NLGN3: variants seen among roughly 807,000 people sequenced by gnomAD.
The protein encoded by NLGN3 is neuroligin-3.
In NLGN3, 11 loss-of-function variants were observed where a neutral mutation model predicts 42.9. The observed-to-expected ratio is 0.26, with a 90% CI of 0.16 to 0.42. NLGN3 has a LOEUF of 0.42. Among genes scored for constraint, NLGN3 ranks in the 10% least tolerant of loss-of-function variants. NLGN3 has a pLI of 1.00. For missense variants in NLGN3, 374 were observed against 733.8 expected, an observed-to-expected ratio of 0.51 and a Z score of 5.67; for synonymous variants, 279 against 312.7, an observed-to-expected ratio of 0.89 and a Z score of 1.14.
intron 6 of NLGN3, 36 bp from the exon 7 acceptor site, chrX:71,166,975 C>A: frequency 2.7e-6 from 3 of 1,119,571 alleles, no homozygotes; most frequent in Non-Finnish European, 3.6e-6. Context: ...ATGTGTGACA[C>A]GACAGATCTG....
chrX:71,172,628 G>A (rs866732014), downstream of NLGN3, among the ~76,000 whole-genome samples: 8 of 37,763 alleles, frequency 2.1e-4, no homozygotes, highest in African/African-American at 3.2e-3. Flanking sequence ...GTGTGCATGC[G>A]TGTGTGTGTG....
At chrX:71,148,291 G>A in intron 2 of NLGN3, 85 bp downstream of exon 2, 1 of 755,392 alleles carries the variant, frequency 1.3e-6, no homozygotes. Context: ...TGTGTGCCCT[G>A]CAGCATGCAT....
intron 7 of NLGN3, among the ~76,000 whole-genome samples, chrX:71,168,867 A>AAGAAAGAG (rs1210497314): frequency 5.8e-5 from 4 of 69,251 alleles, no homozygotes; most frequent in African/African-American, 4.3e-4. Context: ...GAAAGAAAGA[A>AAGAAAGAG]AGAGAAAGAA....
intron 6 of NLGN3, among the ~76,000 whole-genome samples, chrX:71,166,349 G>A (rs1053554598): frequency 2.7e-5 from 3 of 109,705 alleles, no homozygotes; most frequent in South Asian, 4.0e-4. Context: ...CCAGCTACTC[G>A]GGAGGCTGAG....
chrX:71,150,563 G>A (rs2092386922), intron 3 of NLGN3, among the ~76,000 whole-genome samples: 6 of 109,939 alleles, frequency 5.5e-5, no homozygotes, highest in South Asian at 7.8e-4. Flanking sequence ...TTAGCTGGGC[G>A]TGGTGGCGGG....
chrX:71,148,795 C>A, intron 2 of NLGN3, 51 bp from the exon 3 acceptor site: 2 of 1,107,357 alleles, frequency 1.8e-6, no homozygotes, highest in Non-Finnish European at 1.2e-6. Context: ...GGGGTGCATG[C>A]CCCTGGGCAG....
intron 5 of NLGN3, among the ~76,000 whole-genome samples, chrX:71,162,426 G>A (rs1037598354): frequency 5.4e-5 from 6 of 111,604 alleles, no homozygotes; most frequent in African/African-American, 1.6e-4. Flanking sequence ...CACCATGCCT[G>A]GCCAAGTTTT....
chrX:71,161,645 G>T (rs2092430558), intron 5 of NLGN3, among the ~76,000 whole-genome samples: 1 of 110,679 alleles, frequency 9.0e-6, no homozygotes, highest in Non-Finnish European at 1.9e-5. Context: ...ATGGTGGCAG[G>T]CACCTGTAAT....
At chrX:71,168,880 G>GA (rs2092460373) in intron 7 of NLGN3, among the ~76,000 whole-genome samples, 5 of 80,654 alleles carry the variant, frequency 6.2e-5, no homozygotes, top group African/African-American at 4.4e-4. Flanking sequence ...AGAAAGAAAA[G>GA]AAAGAGAAAG....
At chrX:71,165,675 G>A (rs899911623) in intron 6 of NLGN3, among the ~76,000 whole-genome samples, 2 of 110,963 alleles carry the variant, frequency 1.8e-5, no homozygotes, top group Admixed American at 9.6e-5. Flanking sequence ...ACAGGTGCAT[G>A]CTACCATGCC....
intron 3 of NLGN3, among the ~76,000 whole-genome samples, chrX:71,151,890 C>T (rs1247645943): frequency 8.9e-6 from 1 of 111,806 alleles, no homozygotes; most frequent in East Asian, 2.8e-4. Context: ...ATGCCCATGT[C>T]CCATTAAGGT....
At position 71,167,202 on chromosome X, in the gene NLGN3, C is replaced by T. The variant is rs185286625; in HGVS notation, c.1105C>T (p.Arg369Cys). The part of the protein sequence containing the change: ...ELVEQDIQPA[R>C]YHVAFGPVID... Reference sequence around the variant, plus strand: ...GGTAGAGCAGGACATCCAGCCAGCCCGCTACCACGTGGCCTTTGGCCCTGT... The same window carrying T: ...GGTAGAGCAGGACATCCAGCCAGCCTGCTACCACGTGGCCTTTGGCCCTGT... Residue 369 changes from arginine to cysteine, a missense_variant, in exon 7 of 8, where the codon CGC (arginine) becomes TGC (cysteine). Arg to Cys is a radical substitution (Grantham distance 180). Transcript: ENST00000358741. 5 of 1,209,926 alleles carry T rather than the reference C, an allele frequency of 4.1e-6. No homozygotes were observed. Among genetic ancestry groups the T allele is most frequent in the East Asian group, 3.0e-5 (1 of 33,749 alleles).
intron 1 of NLGN3, among the ~76,000 whole-genome samples, chrX:71,146,961 A>ACAGGAGGGGCG (rs1253041086): frequency 9.0e-6 from 1 of 111,503 alleles, no homozygotes; most frequent in African/African-American, 3.3e-5. Context: ...GGAGAAATGT[A>ACAGGAGGGGCG]CAGGAGGGGC....
rs925604938 is a variant in NLGN3, at chrX:71,170,277, G to A, written c.*180G>A. ...CATAGACAGATGTGGACATGCACCCGCATGTACAAAAACACAAATACGGAA... is the reference window on the plus strand; with the variant it reads ...CATAGACAGATGTGGACATGCACCCACATGTACAAAAACACAAATACGGAA... On this transcript the variant is annotated 3_prime_UTR_variant, in exon 8 of 8. Transcript: ENST00000358741. The A allele has an allele frequency of 4.5e-5, 50 of 1,118,568 alleles. No homozygotes were observed. Among genetic ancestry groups the A allele is most frequent in the African/African-American group, 3.1e-4 (17 of 54,707 alleles). 92.2% of individuals were successfully genotyped at this position (1,118,568 alleles called of 1,213,427 possible).
intron 7 of NLGN3, among the ~76,000 whole-genome samples, chrX:71,168,778 G>T: frequency 1.4e-5 from 1 of 73,103 alleles, no homozygotes; most frequent in East Asian, 4.0e-4. Flanking sequence ...AAAGAAAAAG[G>T]GAAGAAAGAA....
At position 71,169,305 on chromosome X, in the gene NLGN3, C is replaced by A. The variant is rs758310102; in HGVS notation, c.1755C>A (p.Ala585=). ...PQDTKFIHTK[A]NRFEEVAWSK... is the part of the protein sequence containing the mutation. ...ACACCAAGTTCATTCACACCAAGGC[C>A]AACCGCTTTGAGGAAGTGGCCTGGT... The change falls in exon 8 of 8, where the codon GCC becomes GCA. Residue 585 remains alanine, a synonymous_variant. Transcript: ENST00000358741. 1 of 1,208,735 alleles carries A rather than the reference C, an allele frequency of 8.3e-7. No individual in the cohort carries two copies. The highest frequency in any genetic ancestry group is 1.1e-6 in the Non-Finnish European group (1 of 894,720).
chrX:71,158,377 G>A (rs1367326646), intron 5 of NLGN3, among the ~76,000 whole-genome samples: 2 of 112,122 alleles, frequency 1.8e-5, no homozygotes, highest in African/African-American at 3.2e-5. Context: ...GAGCCACCGC[G>A]CCCGGCTGGG....
At chrX:71,165,910 G>T (rs944068164) in intron 6 of NLGN3, among the ~76,000 whole-genome samples, 4 of 111,490 alleles carry the variant, frequency 3.6e-5, no homozygotes, top group Admixed American at 2.9e-4. Flanking sequence ...TTGGGAAAAT[G>T]AGGCTGTCTT....
At chrX:71,151,307 C>G (rs1056061276) in intron 3 of NLGN3, among the ~76,000 whole-genome samples, 4 of 108,702 alleles carry the variant, frequency 3.7e-5, no homozygotes, top group African/African-American at 1.3e-4. Context: ...GAAACTCCAT[C>G]TAAAAAAAGA....
Sources: gnomAD v4.1 joint callset for allele counts (sites outside exome capture counted in the v4.1 genomes callset) on GRCh38, gnomAD v4.1.1 for gene constraint, MANE v1.5 for transcripts, NCBI Gene and HGNC (gene_info 2026-07-23, HGNC 2026-07-21) for gene names.